Variants in ATF7IP2 observed in about 807,000 individuals in gnomAD.
ATF7IP2 encodes activating transcription factor 7-interacting protein 2.
In ATF7IP2, 42 loss-of-function variants were observed where a neutral mutation model predicts 64.2. The ratio of observed to expected loss-of-function variants is 0.65; its 90% CI spans 0.51 to 0.85. ATF7IP2 has a LOEUF of 0.85. Ranked by LOEUF, ATF7IP2 falls within the 40% of genes least tolerant of loss-of-function variation. The pLI is 0.00. For missense variants in ATF7IP2, 933 were observed against 784.2 expected, an observed-to-expected ratio of 1.19 and a Z score of -2.27; for synonymous variants, 308 against 272.8, an observed-to-expected ratio of 1.13 and a Z score of -1.27.
At chr16:10,411,963 A>T (rs1379046047) in intron 1 of ATF7IP2, among the ~76,000 whole-genome samples, 63 of 32,436 alleles carry the variant, frequency 1.9e-3, no homozygotes, top group Admixed American at 2.6e-3. Flanking sequence ...TATTAATTTT[A>T]TTAACCTTTT....
intron 3 of ATF7IP2, among the ~76,000 whole-genome samples, chr16:10,426,552 C>T (rs1409329648): frequency 1.3e-5 from 2 of 152,122 alleles, no homozygotes; most frequent in Non-Finnish European, 2.9e-5. Flanking sequence ...AACAAATTTA[C>T]TCTGAGCTGG....
At chr16:10,470,823 GTATA>G (rs1340268411) in intron 9 of ATF7IP2, among the ~76,000 whole-genome samples, 1 of 143,834 alleles carries the variant, frequency 7.0e-6, no homozygotes, top group Non-Finnish European at 1.5e-5. Context: ...ATGTGTGTGT[GTATA>G]TATATATATA....
At chr16:10,406,390 A>G (rs566473746) in intron 1 of ATF7IP2, among the ~76,000 whole-genome samples, 7 of 152,266 alleles carry the variant, frequency 4.6e-5, no homozygotes, top group African/African-American at 1.4e-4. Context: ...ACAGGCGTGA[A>G]CCACTGTGCC....
At chr16:10,468,358 GC>G (rs2049661044) in intron 9 of ATF7IP2, among the ~76,000 whole-genome samples, 1 of 152,126 alleles carries the variant, frequency 6.6e-6, no homozygotes, top group African/African-American at 2.4e-5. Context: ...CATGATTTTT[GC>G]CTCTCCCCAT....
chr16:10,407,651 T>C (rs1225817520), intron 1 of ATF7IP2, among the ~76,000 whole-genome samples: 1 of 152,180 alleles, frequency 6.6e-6, no homozygotes, highest in Admixed American at 6.5e-5. Context: ...TTTTAAAATT[T>C]TTTATTTCTG....
intron 9 of ATF7IP2, among the ~76,000 whole-genome samples, chr16:10,468,085 G>C (rs2049648262): frequency 6.9e-6 from 1 of 144,036 alleles, no homozygotes; most frequent in Non-Finnish European, 1.5e-5. Context: ...TCTCCATGTT[G>C]GTCAGGCTGG....
chr16:10,417,365 C>T (rs2047899726), intron 2 of ATF7IP2, among the ~76,000 whole-genome samples: 1 of 151,950 alleles, frequency 6.6e-6, no homozygotes, highest in Non-Finnish European at 1.5e-5. Flanking sequence ...CACATTTAGA[C>T]TCAAGTTGAA....
chr16:10,433,439 T>A, intron 5 of ATF7IP2, 86 bp from the exon 6 acceptor site: 2 of 1,244,610 alleles, frequency 1.6e-6, no homozygotes, highest in South Asian at 1.4e-5. Context: ...CCTCCCAGAG[T>A]GCTGGGATTA....
intron 3 of ATF7IP2, among the ~76,000 whole-genome samples, chr16:10,421,604 G>A (rs1464253794): frequency 2.0e-5 from 3 of 152,198 alleles, no homozygotes; most frequent in Non-Finnish European, 4.4e-5. Flanking sequence ...GGAGTAAGGA[G>A]TAGTAGTCTG....
rs1326545608 is a variant in ATF7IP2 at position 10,472,041 on chromosome 16, ACTAATTGCATGTTTAAGC to A, written c.1353-66_1353-49del. 2.1e-5 allele frequency: 15 copies of A among 712,470 alleles called. No homozygotes were observed. In the African/African-American group the frequency reaches 2.5e-4, roughly 12 times the overall value. 44.1% of individuals were successfully genotyped at this position (712,470 alleles called of 1,614,324 possible). On this transcript the variant is annotated intron_variant, in intron 9 of 13. Transcript: ENST00000562102. The stretch of plus-strand genomic sequence containing the variant: ...ATGTTAAGTTAGAGGACTCCTAACC[ACTAATTGCATGTTTAAGC>A]CTGATAATGCATGTTTAGTTTTTGT...
intron 12 of ATF7IP2, among the ~76,000 whole-genome samples, chr16:10,480,437 C>T (rs1200434469): frequency 6.6e-6 from 1 of 151,876 alleles, no homozygotes; most frequent in East Asian, 1.9e-4. Context: ...CATTTTATGC[C>T]TAATTCCTTC....
chr16:10,473,826 A>C (rs1347821451), intron 11 of ATF7IP2, 97 bp from the exon 12 acceptor site: 3 of 796,620 alleles, frequency 3.8e-6, no homozygotes, highest in Non-Finnish European at 5.9e-6. Flanking sequence ...ATGGTGATTT[A>C]AAATTACCAT....
chr16:10,480,232 G>GCC (rs2050173435), intron 12 of ATF7IP2, among the ~76,000 whole-genome samples: 1 of 151,590 alleles, frequency 6.6e-6, no homozygotes, highest in Non-Finnish European at 1.5e-5. Context: ...AGTCATCTGC[G>GCC]TCCTAAAGTG....
intron 8 of ATF7IP2, among the ~76,000 whole-genome samples, chr16:10,455,681 A>G (rs1282034411): frequency 6.6e-6 from 1 of 152,228 alleles, no homozygotes; most frequent in Non-Finnish European, 1.5e-5. Context: ...GACTCTTAGT[A>G]GAAATTTGGA....
intron 8 of ATF7IP2, among the ~76,000 whole-genome samples, chr16:10,442,368 G>T (rs2048657151): frequency 6.6e-6 from 1 of 152,168 alleles, no homozygotes; most frequent in African/African-American, 2.4e-5. Flanking sequence ...TTTTCTAGCA[G>T]TAAAAGCTTG....
intron 3 of ATF7IP2, among the ~76,000 whole-genome samples, 184 bp from the exon 4 acceptor site, chr16:10,428,684 A>T (rs2048145495): frequency 6.6e-6 from 1 of 152,220 alleles, no homozygotes; most frequent in South Asian, 2.1e-4. Flanking sequence ...AGAGAAGCCA[A>T]AGTGCAAATT....
At chr16:10,466,990 T>A (rs1027755924) in intron 9 of ATF7IP2, among the ~76,000 whole-genome samples, 2 of 152,150 alleles carry the variant, frequency 1.3e-5, no homozygotes, top group African/African-American at 4.8e-5. Context: ...CTTGATAGTT[T>A]CTGAAAAATT....
At chr16:10,420,054 C>T (rs768490164) in intron 3 of ATF7IP2, among the ~76,000 whole-genome samples, 5 of 152,320 alleles carry the variant, frequency 3.3e-5, no homozygotes, top group South Asian at 2.1e-4. Flanking sequence ...GCTTTTGCAA[C>T]GGCTGTTTCG....
chr16:10,406,986 A>G (rs2047653497), intron 1 of ATF7IP2, among the ~76,000 whole-genome samples: 1 of 152,234 alleles, frequency 6.6e-6, no homozygotes, highest in Non-Finnish European at 1.5e-5. Flanking sequence ...TATTGATGTA[A>G]AAATCAGCAA....
Sources: allele counts gnomAD v4.1 joint callset (sites outside exome capture counted in the v4.1 genomes callset), GRCh38; gene constraint gnomAD v4.1.1; transcripts MANE v1.5; gene names NCBI Gene and HGNC (gene_info 2026-07-23, HGNC 2026-07-21).